Variants in NDST1 observed in about 807,000 individuals in gnomAD.
NDST1 encodes the protein N-deacetylase and N-sulfotransferase 1, also known as bifunctional heparan sulfate N-deacetylase/N-sulfotransferase 1.
In NDST1, 35 loss-of-function variants were observed where a neutral mutation model predicts 92.8. That is an observed-to-expected ratio of 0.38 (90% CI 0.29 to 0.50). NDST1 has a LOEUF of 0.50. Ranked by LOEUF, NDST1 falls within the 20% of genes least tolerant of loss-of-function variation. NDST1 has a pLI of 0.94. For synonymous variants in NDST1, 493 were observed against 500.3 expected (o/e 0.99, Z 0.19); for missense variants, 822 against 1,182.7 (o/e 0.69, Z 4.47).
chr5:150,543,943 C>T (rs1392588563), intron 10 of NDST1, among the ~76,000 whole-genome samples: 1 of 152,192 alleles, frequency 6.6e-6, no homozygotes, highest in East Asian at 1.9e-4. Flanking sequence ...CCATGCCTGG[C>T]TAATTTTTGT....
chr5:150,546,234 G>A lies in NDST1; in HGVS notation c.2145+748G>A, dbSNP rs887151973. On this transcript the variant is annotated intron_variant, in intron 11 of 14. Coordinates refer to ENST00000261797, the MANE Select transcript of NDST1 (RefSeq NM_001543.5). ...GCTGGTCTCAAACTCCTGACCTCGT[G>A]ATCTTCCCGCCTCGGCCTCTCAAAG... is the stretch of plus-strand genomic sequence containing the variant. Among the ~76,000 whole-genome samples, 10 of 152,078 alleles carry A rather than the reference G, an allele frequency of 6.6e-5. No homozygotes were observed. The East Asian group carries it at 1.7e-3, about 26-fold the overall frequency.
intron 1 of NDST1, among the ~76,000 whole-genome samples, chr5:150,512,521 G>A (rs912254106): frequency 1.3e-5 from 2 of 152,244 alleles, no homozygotes; most frequent in South Asian, 2.1e-4. Context: ...GAAACAGGTC[G>A]TTTGCTTGTT....
intron 1 of NDST1, chr5:150,518,977 A>C (rs1280296857): frequency 6.6e-6 from 1 of 151,816 alleles, no homozygotes; most frequent in Non-Finnish European, 1.5e-5. Flanking sequence ...AGGTCTCACC[A>C]TGTTGCCCAG....
chr5:150,546,259 G>T (rs559503543), intron 11 of NDST1, among the ~76,000 whole-genome samples: 1 of 152,312 alleles, frequency 6.6e-6, no homozygotes, highest in African/African-American at 2.4e-5. Context: ...GCCTCTCAAA[G>T]TGCTGGCATT....
In NDST1 at chr5:150,521,356, G is replaced by T; in HGVS notation, c.102G>T (p.Ser34=). Residue 34 remains serine (S), a synonymous_variant, in exon 2 of 15, where the codon TCG becomes TCT. Transcript: ENST00000261797. This position sits in a 1 kb window ranked among gnomAD's most constrained non-coding sequence, Gnocchi z 5.9. ...TCTGCCTGTTCAGCGTTTTCATCTC[G>T]GCCTACTACCTATATGGCTGGAAGC... ...FIFCLFSVFI[S]AYYLYGWKRG... The T allele has an allele frequency of 1.2e-6, 2 of 1,613,492 alleles. No homozygotes were observed. The highest frequency in any genetic ancestry group is 1.1e-5 in the South Asian group (1 of 91,082).
chr5:150,540,700 C>A (rs556729995), intron 8 of NDST1, among the ~76,000 whole-genome samples: 9 of 152,156 alleles, frequency 5.9e-5, no homozygotes, highest in African/African-American at 2.2e-4. Context: ...TCTATAGTCC[C>A]AGCTACTCGT....
At chr5:150,535,255 A>G in intron 5 of NDST1, 1 of 943,660 alleles carries the variant, frequency 1.1e-6, no homozygotes, top group Admixed American at 6.2e-5. Context: ...AGCTACTAAG[A>G]GGTCCAGCTG....
chr5:150,534,582 A>G (rs572977615), intron 4 of NDST1, among the ~76,000 whole-genome samples: 1 of 152,316 alleles, frequency 6.6e-6, no homozygotes, highest in East Asian at 1.9e-4. Flanking sequence ...GGTAGAAGAA[A>G]CCCTTGAGAT....
chr5:150,518,003 C>T (rs182508532), intron 1 of NDST1, among the ~76,000 whole-genome samples: 13 of 152,340 alleles, frequency 8.5e-5, no homozygotes, highest in Non-Finnish European at 1.6e-4. Flanking sequence ...GTAAATGGGA[C>T]ACCTGGGTAC....
At position 150,520,857 on chromosome 5, in the gene NDST1, AC is replaced by A; in HGVS notation, c.-387-10del. ...GCACTCTGACGCTCCTGTTCTCTCC[AC>A]TCTCCACAGCCTTAGCCCCGTGGGC... On this transcript the variant is annotated splice_polypyrimidine_tract_variant and intron_variant, in intron 1 of 14. Coordinates refer to ENST00000261797, the MANE Select transcript of NDST1 (RefSeq NM_001543.5). 2.3e-6 allele frequency: 1 copy of A among 432,598 alleles called. No individual in the cohort carries two copies. 26.8% of individuals were successfully genotyped at this position (432,598 alleles called of 1,614,324 possible). A position where few individuals can be genotyped will look rare whatever the true frequency, so the allele number is the denominator to read the frequency against.
At chr5:150,550,722 T>A (rs1755685523) in intron 13 of NDST1, 1 of 152,246 alleles carries the variant, frequency 6.6e-6, no homozygotes, top group African/African-American at 2.4e-5. Context: ...AGTCAGTCCT[T>A]CACCTTGAGG....
At chr5:150,537,270 A>G (rs1342737046) in intron 6 of NDST1, among the ~76,000 whole-genome samples, 2 of 152,256 alleles carry the variant, frequency 1.3e-5, no homozygotes, top group East Asian at 3.8e-4. Context: ...TGTTCAGGGA[A>G]CAAGGGAGAT....
At chr5:150,536,156 G>A (rs1321395117) in intron 6 of NDST1, among the ~76,000 whole-genome samples, 3 of 152,178 alleles carry the variant, frequency 2.0e-5, no homozygotes, top group Non-Finnish European at 2.9e-5. Flanking sequence ...TGAGGATGTG[G>A]GACAGGGCTC....
At chr5:150,542,194 C>T (rs1307860682) in intron 9 of NDST1, among the ~76,000 whole-genome samples, 1 of 152,184 alleles carries the variant, frequency 6.6e-6, no homozygotes, top group Non-Finnish European at 1.5e-5. Context: ...CAGGCCTGAA[C>T]TCTGATCTCT....
rs187146067 is a variant in NDST1, at chr5:150,539,498, A to G, written c.1566+142A>G. 5.2e-4 allele frequency: 812 copies of G among 1,571,908 alleles called. 5 individuals carry two copies. The Admixed American group carries it at 0.011, about 21-fold the overall frequency. On this transcript the variant is annotated intron_variant, in intron 7 of 14. Coordinates refer to ENST00000261797, the MANE Select transcript of NDST1 (RefSeq NM_001543.5). Reference sequence around the variant, plus strand: ...GCAGTTGGGAGACCCACTCTCCAGCACTGGCCCTGCCTCGGCTGTGTGACC... The same window carrying G: ...GCAGTTGGGAGACCCACTCTCCAGCGCTGGCCCTGCCTCGGCTGTGTGACC...
In NDST1 at chr5:150,554,184, C is replaced by T. The variant is rs539999449; in HGVS notation, c.*852C>T. The T allele has an allele frequency of 1.3e-4, 53 of 398,668 alleles. No individual in the cohort carries two copies. The highest frequency in any genetic ancestry group is 1.9e-4 in the Non-Finnish European group (42 of 225,974). 24.7% of individuals were successfully genotyped at this position (398,668 alleles called of 1,614,324 possible). ...AGACATGGGCGAGCTGGTGAGACTG[C>T]CAGCCACGGCTTTGCTTAGCCACCT... On this transcript the variant is annotated 3_prime_UTR_variant, in exon 15 of 15. Transcript: ENST00000261797.
rs1561610673 is a variant in NDST1 at position 150,551,753 on chromosome 5, G to A, written c.2427G>A (p.Ala809=). 1 of 1,612,676 alleles carries A rather than the reference G, an allele frequency of 6.2e-7. No individual in the cohort carries two copies. Among genetic ancestry groups the A allele is most frequent in the Non-Finnish European group, 8.5e-7 (1 of 1,178,944 alleles). The part of the protein sequence containing the change: ...TNTIDYHKTL[A]FDPKKGFWCQ... ...TCCAAAGACTTTCCCACCTCCACAG[G>A]TTTGATCCAAAGAAAGGATTTTGGT... The change falls in exon 14 of 15, where the codon GCG becomes GCA. Residue 809 remains alanine (A), a splice_region_variant and synonymous_variant. Transcript: ENST00000261797.
chr5:150,544,375 T>G (rs2151298508), intron 10 of NDST1, among the ~76,000 whole-genome samples: 1 of 152,298 alleles, frequency 6.6e-6, no homozygotes, highest in South Asian at 2.1e-4. Context: ...CTTTCTCAAT[T>G]GAGATATTGT....
chr5:150,516,634 TG>T (rs1175894269), intron 1 of NDST1, among the ~76,000 whole-genome samples: 1 of 152,176 alleles, frequency 6.6e-6, no homozygotes, highest in Non-Finnish European at 1.5e-5. Flanking sequence ...TGTGGATGGG[TG>T]GCAGGGAGGC....
Sources: gnomAD v4.1 joint callset for allele counts (sites outside exome capture counted in the v4.1 genomes callset) on GRCh38, gnomAD v4.1.1 for gene constraint, Gnocchi (gnomAD v3.1) non-coding constraint, MANE v1.5 for transcripts, NCBI Gene and HGNC (gene_info 2026-07-23, HGNC 2026-07-21) for gene names.